Variants in RALGPS2 observed in about 807,000 individuals in gnomAD.
The protein encoded by RALGPS2 is ras-specific guanine nucleotide-releasing factor RalGPS2.
RALGPS2 carries 43 observed loss-of-function variants against 86.8 expected under a neutral mutation model. The observed-to-expected ratio is 0.50, with a 90% CI of 0.39 to 0.64. The LOEUF (loss-of-function observed/expected upper bound fraction) is 0.64. Among genes scored for constraint, RALGPS2 ranks in the 30% least tolerant of loss-of-function variants. The pLI, the probability that RALGPS2 is intolerant of heterozygous loss-of-function variation, is 0.00. For synonymous variants in RALGPS2, 243 were observed against 231.3 expected (o/e 1.05, Z -0.46); for missense variants, 536 against 694.6 (o/e 0.77, Z 2.57).
intron 16 of RALGPS2, among the ~76,000 whole-genome samples, chr1:178,896,910 C>A (rs562218333): frequency 2.0e-5 from 3 of 146,396 alleles, no homozygotes; most frequent in East Asian, 2.0e-4. Flanking sequence ...TGAATAATGC[C>A]GCAATAAACA....
intron 14 of RALGPS2, among the ~76,000 whole-genome samples, chr1:178,890,207 C>T (rs904402991): frequency 6.6e-6 from 1 of 151,786 alleles, no homozygotes; most frequent in South Asian, 2.1e-4. Flanking sequence ...AGTTGTGCTC[C>T]CTTCTCCTTC....
intron 6 of RALGPS2, among the ~76,000 whole-genome samples, chr1:178,812,008 G>T (rs557802335): frequency 2.6e-5 from 4 of 152,168 alleles, no homozygotes; most frequent in African/African-American, 9.7e-5. Flanking sequence ...GGGGCAGAAA[G>T]GGGGAGTGAG....
intron 8 of RALGPS2, among the ~76,000 whole-genome samples, chr1:178,877,018 T>TTGGTTGCATTTA (rs1354500016): frequency 6.6e-6 from 1 of 152,156 alleles, no homozygotes. Flanking sequence ...TTAAATAATT[T>TTGGTTGCATTTA]CCCTATGTCA....
chr1:178,835,392 C>CCT (rs1656224633), intron 8 of RALGPS2, among the ~76,000 whole-genome samples: 6 of 122,054 alleles, frequency 4.9e-5, no homozygotes, highest in Admixed American at 8.3e-5. Flanking sequence ...TCTTTCTTTT[C>CCT]TTTTTTTTTT....
Position 178,742,381 on chromosome 1 carries a change from T to TA in RALGPS2, c.-84+16965dup, listed in dbSNP as rs752361785. On this transcript the variant is annotated intron_variant, in intron 1 of 19. Coordinates refer to ENST00000367635, the MANE Select transcript of RALGPS2 (RefSeq NM_152663.5). ...GATAAAGGATGTCATTACAAAATGA[T>TA]AAAGAGGGCAGTTAATCAAGAGGAT... Among the ~76,000 whole-genome samples, 6 of 152,218 alleles carry TA rather than the reference T, an allele frequency of 3.9e-5. No homozygotes were observed. The South Asian group carries it at 1.2e-3, about 32-fold the overall frequency.
At chr1:178,736,625 C>G (rs72705188) in intron 1 of RALGPS2, among the ~76,000 whole-genome samples, 95 of 152,132 alleles carry the variant, frequency 6.2e-4, no homozygotes, top group Non-Finnish European at 1.1e-3. Context: ...GAGTCAGGTG[C>G]GGTGGCTCAC....
chr1:178,733,196 A>G (rs1413113159), intron 1 of RALGPS2, among the ~76,000 whole-genome samples: 1 of 152,232 alleles, frequency 6.6e-6, no homozygotes, highest in Non-Finnish European at 1.5e-5. Flanking sequence ...CAGGATGCAA[A>G]AAGTACTAAC....
chr1:178,865,710 C>T (rs1444841773), intron 8 of RALGPS2: 1 of 1,613,716 alleles, frequency 6.2e-7, no homozygotes, highest in East Asian at 2.2e-5. Context: ...AATTGTCCAC[C>T]TCTGCAATGT....
At chr1:178,875,619 A>G (rs1326008947) in intron 8 of RALGPS2, among the ~76,000 whole-genome samples, 2 of 152,038 alleles carry the variant, frequency 1.3e-5, no homozygotes, top group Non-Finnish European at 2.9e-5. Flanking sequence ...GTGGTTGCGC[A>G]TGCCTGTCAT....
At chr1:178,844,560 G>A (rs76496827) in intron 8 of RALGPS2, among the ~76,000 whole-genome samples, 172 of 152,228 alleles carry the variant, frequency 1.1e-3, no homozygotes, top group African/African-American at 3.9e-3. Flanking sequence ...GGACAATATC[G>A]TGAAAAATTC....
intron 8 of RALGPS2, chr1:178,851,205 C>T (rs1657150744): frequency 1.2e-6 from 2 of 1,613,884 alleles, no homozygotes; most frequent in Non-Finnish European, 1.7e-6. Flanking sequence ...CCAGAAAATT[C>T]CATCTTGGTG....
At chr1:178,835,383 CTTTCT>C (rs1203377398) in intron 8 of RALGPS2, among the ~76,000 whole-genome samples, 11 of 145,180 alleles carry the variant, frequency 7.6e-5, no homozygotes, top group African/African-American at 2.8e-4. Context: ...GTGATATCTT[CTTTCT>C]TTTCTTTTTT....
chr1:178,779,010 G>A (rs1653246520), intron 2 of RALGPS2, among the ~76,000 whole-genome samples: 1 of 152,070 alleles, frequency 6.6e-6, no homozygotes, highest in Admixed American at 6.6e-5. Flanking sequence ...TCTTTTTAGA[G>A]TATTTTTACA....
chr1:178,777,282 C>A (rs564308266), intron 2 of RALGPS2, among the ~76,000 whole-genome samples: 39 of 152,180 alleles, frequency 2.6e-4, no homozygotes, highest in Non-Finnish European at 4.7e-4. Context: ...TGAGTGAACT[C>A]CCATTCACAA....
rs1380442201 is a variant in RALGPS2 at position 178,921,418 on chromosome 1, A to G, written c.*5059A>G. The stretch of plus-strand genomic sequence containing the variant: ...TAATTACTGACTTAATAGGTATGGT[A>G]AAATAGCTGATAATAAGTCAGACTC... On this transcript the variant is annotated 3_prime_UTR_variant, in exon 20 of 20. Transcript: ENST00000367635. 1 of 151,950 alleles carries G rather than the reference A, an allele frequency of 6.6e-6. No individual in the cohort carries two copies. The highest frequency in any genetic ancestry group is 1.9e-4 in the East Asian group (1 of 5,192). 9.4% of individuals were successfully genotyped at this position (151,950 alleles called of 1,614,324 possible).
At chr1:178,807,593 G>A (rs1419372831) in intron 4 of RALGPS2, among the ~76,000 whole-genome samples, 1 of 152,040 alleles carries the variant, frequency 6.6e-6, no homozygotes, top group African/African-American at 2.4e-5. Context: ...GTATTCTGTC[G>A]ACAGGCACTT....
chr1:178,862,298 G>C (rs987266031), intron 8 of RALGPS2, among the ~76,000 whole-genome samples: 1 of 151,980 alleles, frequency 6.6e-6, no homozygotes, highest in African/African-American at 2.4e-5. Flanking sequence ...CTTTCATGAG[G>C]GTCTTTGGAA....
intron 8 of RALGPS2, among the ~76,000 whole-genome samples, chr1:178,866,536 G>C (rs1297753380): frequency 6.6e-6 from 1 of 152,030 alleles, no homozygotes; most frequent in Non-Finnish European, 1.5e-5. Context: ...TAATTCAGCA[G>C]GTTTGTTCTT....
At chr1:178,887,128 A>G (rs1179275183) in intron 13 of RALGPS2, among the ~76,000 whole-genome samples, 1 of 152,224 alleles carries the variant, frequency 6.6e-6, no homozygotes, top group Non-Finnish European at 1.5e-5. Context: ...TGAGTCTTCT[A>G]GATGAGCATT....
Sources: gnomAD v4.1 joint callset for allele counts (sites outside exome capture counted in the v4.1 genomes callset) on GRCh38, gnomAD v4.1.1 for gene constraint, MANE v1.5 for transcripts, NCBI Gene and HGNC (gene_info 2026-07-23, HGNC 2026-07-21) for gene names.